Variants in XXYLT1 observed in about 807,000 individuals in gnomAD.
XXYLT1 encodes UDP-xylose:alpha-xyloside alpha-1,3-xylosyltransferase.
A neutral mutation model predicts 28.9 loss-of-function variants in XXYLT1; 20 were observed. The ratio of observed to expected loss-of-function variants is 0.69; its 90% CI spans 0.49 to 1.00. The LOEUF (loss-of-function observed/expected upper bound fraction) is 1.00. XXYLT1 is among the 50% of genes least tolerant of loss of function. The pLI, the probability that XXYLT1 is intolerant of heterozygous loss-of-function variation, is 0.00. For missense variants in XXYLT1, 542 were observed against 560.1 expected (o/e 0.97, Z 0.33); for synonymous variants, 257 against 253.8 (o/e 1.01, Z -0.12).
intron 3 of XXYLT1, among the ~76,000 whole-genome samples, chr3:195,111,621 C>T (rs1020101581): frequency 4.6e-5 from 7 of 152,160 alleles, no homozygotes; most frequent in African/African-American, 1.7e-4. Context: ...AAAGGACACG[C>T]TGATTGTGAC....
chr3:195,175,686 G>A (rs1032052189), intron 2 of XXYLT1: 5 of 1,536,144 alleles, frequency 3.3e-6, no homozygotes, highest in Non-Finnish European at 3.5e-6. Flanking sequence ...CTAGCTCCTG[G>A]CTGATGGACT....
At chr3:195,153,102 G>C (rs7651951) in intron 3 of XXYLT1, among the ~76,000 whole-genome samples, 7,114 of 152,208 alleles carry the variant, frequency 0.047, 571 homozygotes, top group African/African-American at 0.16. Flanking sequence ...AGAGAAAGGC[G>C]GGCTGCGCTG....
intron 3 of XXYLT1, among the ~76,000 whole-genome samples, chr3:195,128,677 T>C (rs1577060059): frequency 1.3e-5 from 2 of 152,178 alleles, no homozygotes; most frequent in East Asian, 3.9e-4. Flanking sequence ...TTCCTTCCAA[T>C]ATGTCACCTC....
At chr3:195,261,530 G>T (rs536811609) in intron 1 of XXYLT1, among the ~76,000 whole-genome samples, 36 of 152,182 alleles carry the variant, frequency 2.4e-4, no homozygotes, top group Non-Finnish European at 3.1e-4. Flanking sequence ...TCCTCATCAA[G>T]ACTTCATACT....
chr3:195,143,809 T>TAGATATATATAGATATAGATATAG (rs1282815630), intron 3 of XXYLT1, among the ~76,000 whole-genome samples: 1 of 101,102 alleles, frequency 9.9e-6, no homozygotes, highest in Non-Finnish European at 2.0e-5. Flanking sequence ...TAGATAGATA[T>TAGATATATATAGATATAGATATAG]ATATAGATAT....
intron 3 of XXYLT1, among the ~76,000 whole-genome samples, chr3:195,081,862 A>G (rs189808696): frequency 2.1e-3 from 318 of 152,282 alleles, no homozygotes; most frequent in African/African-American, 6.9e-3. Context: ...ACCCACCACC[A>G]GGGTGGGCCT....
Position 195,180,839 on chromosome 3 carries a change from G to C in XXYLT1, c.653-24258C>G, listed in dbSNP as rs577469440. Among the ~76,000 whole-genome samples, 2 of 152,168 alleles carry C rather than the reference G, an allele frequency of 1.3e-5. No homozygotes were observed. Among genetic ancestry groups the C allele is most frequent in the South Asian group, 2.1e-4 (1 of 4,834 alleles). The stretch of plus-strand genomic sequence containing the variant: ...CTAGTCCTGCCTCAGGACTTTGCTC[G>C]TGAGGGGTCCTCAAGGCCACTGTCG... On this transcript the variant is annotated intron_variant, in intron 2 of 3. Coordinates refer to ENST00000310380, the MANE Select transcript of XXYLT1 (RefSeq NM_152531.5). This position sits in a 1 kb window ranked among gnomAD's most constrained non-coding sequence, Gnocchi z 5.8.
intron 3 of XXYLT1, among the ~76,000 whole-genome samples, chr3:195,090,905 A>G (rs1463331360): frequency 5.9e-5 from 9 of 151,780 alleles, no homozygotes; most frequent in East Asian, 5.8e-4. Context: ...ACACCTCTAC[A>G]CAAATAAACT....
intron 2 of XXYLT1, chr3:195,207,389 C>A: frequency 2.2e-6 from 1 of 445,072 alleles, no homozygotes; most frequent in Non-Finnish European, 4.5e-6. Context: ...TGGAGGTTCT[C>A]AGGCAACAGG....
At chr3:195,231,522 T>G (rs1477942666) in intron 1 of XXYLT1, among the ~76,000 whole-genome samples, 1 of 152,130 alleles carries the variant, frequency 6.6e-6, no homozygotes, top group Non-Finnish European at 1.5e-5. Context: ...GTGGGCCTGT[T>G]GCATATGGCT....
intron 1 of XXYLT1, among the ~76,000 whole-genome samples, chr3:195,248,204 T>C (rs1725112686): frequency 6.6e-6 from 1 of 152,096 alleles, no homozygotes; most frequent in Non-Finnish European, 1.5e-5. Context: ...TTGTGCAAAG[T>C]ACTAAGAAGA....
At chr3:195,120,871 C>T (rs1718319622) in intron 3 of XXYLT1, among the ~76,000 whole-genome samples, 2 of 152,204 alleles carry the variant, frequency 1.3e-5, no homozygotes, top group South Asian at 4.1e-4. Flanking sequence ...CAGGCCAGCC[C>T]CCGCCCTGTT....
intron 3 of XXYLT1, among the ~76,000 whole-genome samples, chr3:195,131,945 G>A (rs1718927491): frequency 6.6e-6 from 1 of 152,220 alleles, no homozygotes; most frequent in African/African-American, 2.4e-5. Flanking sequence ...AATGAAGACA[G>A]AAGTCCAGGC....
intron 1 of XXYLT1, among the ~76,000 whole-genome samples, chr3:195,264,545 CTTTA>C (rs1354023923): frequency 1.3e-5 from 2 of 152,246 alleles, no homozygotes; most frequent in South Asian, 2.1e-4. Flanking sequence ...CTGCAGCCTG[CTTTA>C]TTTCTCTCTG....
intron 3 of XXYLT1, among the ~76,000 whole-genome samples, chr3:195,073,526 G>C (rs553387071): frequency 3.0e-4 from 45 of 152,186 alleles, no homozygotes; most frequent in African/African-American, 1.1e-3. Context: ...CTAACTATCT[G>C]GATTGTCTAA....
intron 3 of XXYLT1, among the ~76,000 whole-genome samples, chr3:195,091,053 A>C (rs998966770): frequency 2.7e-5 from 4 of 150,270 alleles, no homozygotes; most frequent in Non-Finnish European, 5.9e-5. Context: ...CCAATCAAAA[A>C]GAGTCCAGCA....
At chr3:195,167,097 C>T (rs1274572516) in intron 2 of XXYLT1, among the ~76,000 whole-genome samples, 1 of 152,254 alleles carries the variant, frequency 6.6e-6, no homozygotes, top group African/African-American at 2.4e-5. Flanking sequence ...GTTCTCGCAG[C>T]GCCATGTCGG....
chr3:195,093,223 A>G (rs2108663167), intron 3 of XXYLT1, among the ~76,000 whole-genome samples: 2 of 92,940 alleles, frequency 2.2e-5, no homozygotes, highest in South Asian at 9.1e-4. Flanking sequence ...ATAAAGACAC[A>G]TGCACACGTA....
In XXYLT1 at chr3:195,256,954, G is replaced by C. The variant is rs944349599; in HGVS notation, c.504+13601C>G. On this transcript the variant is annotated intron_variant, in intron 1 of 3. Transcript: ENST00000310380. This position sits in a 1 kb window ranked among gnomAD's most constrained non-coding sequence, Gnocchi z 4.2. ...AGTGAAGCCCCTTGTACCTCCCAAG[G>C]GCCAGCATCAGCATTTCTTCATGGT... Among the ~76,000 whole-genome samples the C allele has an allele frequency of 3.3e-5, 5 of 152,154 alleles. No homozygotes were observed. Among genetic ancestry groups the C allele is most frequent in the South Asian group, 2.1e-4 (1 of 4,828 alleles).
Sources: allele counts gnomAD v4.1 joint callset (sites outside exome capture counted in the v4.1 genomes callset), GRCh38; gene constraint gnomAD v4.1.1; non-coding constraint Gnocchi (gnomAD v3.1); transcripts MANE v1.5; gene names NCBI Gene and HGNC (gene_info 2026-07-23, HGNC 2026-07-21).